Variants in CCDC12 observed in about 807,000 individuals in gnomAD.
CCDC12 encodes the protein coiled-coil domain containing 12.
A neutral mutation model predicts 25.7 loss-of-function variants in CCDC12; 28 were observed. That is an observed-to-expected ratio of 1.09 (90% CI 0.81 to 1.50). CCDC12 has a LOEUF of 1.50. Among genes scored for constraint, CCDC12 ranks in the 40% most tolerant of loss-of-function variants. The pLI, the probability that CCDC12 is intolerant of heterozygous loss-of-function variation, is 0.00. For missense variants in CCDC12, 198 were observed against 210.0 expected (o/e 0.94, Z 0.35); for synonymous variants, 75 against 87.7 (o/e 0.86, Z 0.81).
intron 2 of CCDC12, among the ~76,000 whole-genome samples, chr3:46,930,240 C>A (rs1199587350): frequency 6.6e-6 from 1 of 152,028 alleles, no homozygotes; most frequent in Non-Finnish European, 1.5e-5. Flanking sequence ...AGTATTCTTC[C>A]TACACAGAAA....
intron 1 of CCDC12, among the ~76,000 whole-genome samples, chr3:46,954,404 C>G (rs1372816819): frequency 1.3e-5 from 2 of 152,212 alleles, no homozygotes; most frequent in Admixed American, 1.3e-4. Context: ...TGGGTGGCCC[C>G]TGTAAATGAT....
At chr3:46,953,692 G>A (rs1241528197) in intron 1 of CCDC12, among the ~76,000 whole-genome samples, 1 of 151,652 alleles carries the variant, frequency 6.6e-6, no homozygotes, top group Non-Finnish European at 1.5e-5. Context: ...TGCAGAAGAG[G>A]ACAGGTTGAG....
At chr3:46,958,217 C>T (rs4682837) in intron 1 of CCDC12, among the ~76,000 whole-genome samples, 74,837 of 151,924 alleles carry the variant, frequency 0.49, 19,874 homozygotes, top group Non-Finnish European at 0.58. Context: ...CTAAAAGGAA[C>T]GCCCCAAACC....
intron 1 of CCDC12, among the ~76,000 whole-genome samples, chr3:46,955,036 T>A (rs1296949610): frequency 6.6e-6 from 1 of 152,166 alleles, no homozygotes; most frequent in African/African-American, 2.4e-5. Context: ...CCAACTAAAA[T>A]GCCCAGTTCT....
intron 6 of CCDC12, 40 bp from the exon 7 acceptor site, chr3:46,922,179 G>A (rs1050682190): frequency 1.2e-5 from 20 of 1,613,622 alleles, no homozygotes; most frequent in African/African-American, 4.0e-5. Context: ...GGAGGGGCCC[G>A]GTGCTTGGGC....
chr3:46,951,798 A>AAAAATATATATAT, intron 1 of CCDC12, among the ~76,000 whole-genome samples: 5 of 8,466 alleles, frequency 5.9e-4, no homozygotes, highest in African/African-American at 1.2e-3. Context: ...AAAAAAAAAA[A>AAAAATATATATAT]ATATATATAT....
At chr3:46,935,920 C>A (rs1210997738) in intron 2 of CCDC12, among the ~76,000 whole-genome samples, 1 of 152,204 alleles carries the variant, frequency 6.6e-6, no homozygotes, top group African/African-American at 2.4e-5. Context: ...CAAGCTTTTT[C>A]TAATAGATAT....
Position 46,976,684 on chromosome 3 carries a change from G to A in CCDC12, c.49C>T (p.Arg17Trp), listed in dbSNP as rs1290490840. Reference protein sequence around the residue: ...GVGRLEEEALRRKERLKALRE... With the variant: ...GVGRLEEEALWRKERLKALRE... Reference sequence around the variant, plus strand: ...AGGGCCTTCAGCCGTTCCTTTCGCCGCAACGCCTCTTCCTCTAGCCGGCCC... The same window carrying A: ...AGGGCCTTCAGCCGTTCCTTTCGCCACAACGCCTCTTCCTCTAGCCGGCCC... The change falls in exon 1 of 7, where the codon CGG becomes TGG. Residue 17 changes from arginine to tryptophan, a missense_variant. Arg to Trp is a moderately radical substitution (Grantham distance 101). Transcript: ENST00000683445. The A allele has an allele frequency of 1.2e-6, 2 of 1,608,262 alleles. No individual in the cohort carries two copies. The highest frequency in any genetic ancestry group is 1.7e-6 in the Non-Finnish European group (2 of 1,177,554).
intron 1 of CCDC12, among the ~76,000 whole-genome samples, chr3:46,959,658 G>A (rs1369675402): frequency 6.6e-6 from 1 of 152,196 alleles, no homozygotes; most frequent in Non-Finnish European, 1.5e-5. Context: ...CTACACGTGT[G>A]CAGAGAATAT....
chr3:46,976,798 A>C, upstream of CCDC12: 1 of 1,550,278 alleles, frequency 6.5e-7, no homozygotes, highest in South Asian at 1.2e-5. Flanking sequence ...GAGTGGATAA[A>C]TGTCTCGCGG....
intron 1 of CCDC12, 105 bp downstream of exon 1, chr3:46,976,532 C>T (rs2107213265): frequency 1.4e-6 from 2 of 1,462,158 alleles, no homozygotes; most frequent in Non-Finnish European, 1.8e-6. Context: ...CGCATGCGCG[C>T]CCTCGGCAGC....
chr3:46,953,968 C>T (rs879535722), intron 1 of CCDC12, among the ~76,000 whole-genome samples: 3 of 152,226 alleles, frequency 2.0e-5, no homozygotes, highest in Non-Finnish European at 4.4e-5. Flanking sequence ...GACTTCCTCA[C>T]CATTCTAAGC....
At chr3:46,978,697 GA>G (rs2035094867), upstream of CCDC12, among the ~76,000 whole-genome samples, 1 of 152,050 alleles carries the variant, frequency 6.6e-6, no homozygotes, top group South Asian at 2.1e-4. Flanking sequence ...CTGTAAAACA[GA>G]GCCGGCCGGG....
At chr3:46,965,128 T>C (rs540058172) in intron 1 of CCDC12, among the ~76,000 whole-genome samples, 10 of 152,248 alleles carry the variant, frequency 6.6e-5, no homozygotes, top group Non-Finnish European at 1.0e-4. Flanking sequence ...CACACCCTCC[T>C]GGCTCCAGGA....
At chr3:46,928,006 T>C (rs529972900) in intron 2 of CCDC12, among the ~76,000 whole-genome samples, 2 of 152,216 alleles carry the variant, frequency 1.3e-5, no homozygotes, top group African/African-American at 4.8e-5. Context: ...AGATTTAACC[T>C]CCCTTATAAA....
At chr3:46,935,474 C>T (rs981768636) in intron 2 of CCDC12, among the ~76,000 whole-genome samples, 1 of 152,054 alleles carries the variant, frequency 6.6e-6, no homozygotes, top group African/African-American at 2.4e-5. Flanking sequence ...ATCAGCCAAC[C>T]TCCCATCAGG....
intron 2 of CCDC12, among the ~76,000 whole-genome samples, chr3:46,929,385 C>G (rs1044939248): frequency 6.6e-6 from 1 of 152,342 alleles, no homozygotes; most frequent in Non-Finnish European, 1.5e-5. Context: ...GTCCAGGCTG[C>G]TATCCTAGGA....
At chr3:46,963,804 T>C (rs2034542167) in intron 1 of CCDC12, among the ~76,000 whole-genome samples, 1 of 152,238 alleles carries the variant, frequency 6.6e-6, no homozygotes, top group African/African-American at 2.4e-5. Context: ...CTCGGCTCGC[T>C]ACAACCTCCA....
chr3:46,928,938 C>A (rs1413588391), intron 2 of CCDC12, among the ~76,000 whole-genome samples: 2 of 151,960 alleles, frequency 1.3e-5, no homozygotes, highest in Admixed American at 1.3e-4. Flanking sequence ...CTGCAGAGAG[C>A]TATGATCACA....
Sources: allele counts gnomAD v4.1 joint callset (sites outside exome capture counted in the v4.1 genomes callset), GRCh38; gene constraint gnomAD v4.1.1; transcripts MANE v1.5; gene names NCBI Gene and HGNC (gene_info 2026-07-23, HGNC 2026-07-21).